The following ADGRE3 variants were observed in gnomAD, a reference collection of about 807,000 sequenced individuals.
ADGRE3 encodes adhesion G protein-coupled receptor E3.
In ADGRE3, 88 loss-of-function variants were observed where a neutral mutation model predicts 80.1. That is an observed-to-expected ratio of 1.10 (90% CI 0.93 to 1.31). The LOEUF (loss-of-function observed/expected upper bound fraction) is 1.31, where lower values mean the gene tolerates loss of function less well. Among genes scored for constraint, ADGRE3 ranks in the 40% most tolerant of loss-of-function variants. The pLI is 0.00. For synonymous variants in ADGRE3, 281 were observed against 294.8 expected, an observed-to-expected ratio of 0.95 and a Z score of 0.48; for missense variants, 715 against 776.5, an observed-to-expected ratio of 0.92 and a Z score of 0.94.
In ADGRE3 at chr19:14,647,307, A is replaced by G. The variant is rs780999744; in HGVS notation, c.756T>C (p.Thr252=). Residue 252 remains threonine, a synonymous_variant, in exon 8 of 16, where the codon ACT becomes ACC. Coordinates refer to ENST00000253673, the MANE Select transcript of ADGRE3 (RefSeq NM_032571.5). ...YSSLGNIINA[T]FFEEMDKKDQ... ...CTTTCTTATCCATCTCTTCAAAAAA[A>G]GTTGCATTTATGATGTTTCCAAGAG... 204 of 1,613,302 alleles carry G rather than the reference A, an allele frequency of 1.3e-4. No individual in the cohort carries two copies. Among genetic ancestry groups the G allele is most frequent in the Non-Finnish European group, 1.7e-4 (199 of 1,179,338 alleles).
the ADGRE3 span, among the ~76,000 whole-genome samples, chr19:14,602,473 T>C: frequency 6.6e-6 from 1 of 152,032 alleles, no homozygotes; most frequent in Non-Finnish European, 1.5e-5. Context: ...TTAACATTTT[T>C]TGTAGAGATG....
chr19:14,638,476 G>A (rs982900519), intron 10 of ADGRE3, 136 bp from the exon 11 acceptor site: 2 of 632,926 alleles, frequency 3.2e-6, no homozygotes, highest in African/African-American at 3.7e-5. Flanking sequence ...GGAACTGGAT[G>A]CAGTGGCTCA....
In ADGRE3 at chr19:14,630,142, A is replaced by G; in HGVS notation, c.1709T>C (p.Leu570Pro). 1 of 1,613,824 alleles carries G rather than the reference A, an allele frequency of 6.2e-7. No homozygotes were observed. The highest frequency in any genetic ancestry group is 1.1e-5 in the South Asian group (1 of 91,046). The change falls in exon 14 of 16, where the codon CTA (leucine) becomes CCA (proline). Residue 570 changes from leucine (L) to proline (P), a missense_variant. Coordinates refer to ENST00000253673, the MANE Select transcript of ADGRE3 (RefSeq NM_032571.5). ...GACCTGGGCAGCTGGACCCACCTGT[A>G]GCAAGCCCAGACACCATGTGCAGCC... ...ILGCTWCLGL[L>P]QVGPAAQVMA...
intron 14 of ADGRE3, among the ~76,000 whole-genome samples, chr19:14,627,308 T>C (rs1190627031): frequency 6.6e-6 from 1 of 152,150 alleles, no homozygotes; most frequent in Non-Finnish European, 1.5e-5. Context: ...TATAAATAAA[T>C]ACATAACAAT....
chr19:14,673,429 C>T (rs531163554), intron 1 of ADGRE3, among the ~76,000 whole-genome samples: 59 of 152,252 alleles, frequency 3.9e-4, no homozygotes, highest in Non-Finnish European at 6.8e-4. Flanking sequence ...GGATTTCATC[C>T]GTACAGAGAT....
At chr19:14,636,130 CTTTCTTTCTTT>C (rs1971065089) in intron 11 of ADGRE3, among the ~76,000 whole-genome samples, 2 of 78,416 alleles carry the variant, frequency 2.6e-5, no homozygotes, top group Non-Finnish European at 5.3e-5. Flanking sequence ...TTCTTTCTTT[CTTTCTTTCTTT>C]CTTTCTTTCT....
At chr19:14,620,376 A>C (rs1460198137) in intron 15 of ADGRE3, among the ~76,000 whole-genome samples, 1 of 149,864 alleles carries the variant, frequency 6.7e-6, no homozygotes, top group Non-Finnish European at 1.5e-5. Flanking sequence ...TCTTAAAGAG[A>C]GATTCATATA....
chr19:14,604,278 C>T, the ADGRE3 span, among the ~76,000 whole-genome samples: 3 of 152,220 alleles, frequency 2.0e-5, no homozygotes, highest in Non-Finnish European at 2.9e-5. Flanking sequence ...AAAAGCTCAC[C>T]GGAAATGAGA....
In ADGRE3 at chr19:14,630,208, C is replaced by T; in HGVS notation, c.1644-1G>A. ...AGCTGTTGCTTTGAAAGCCAGCATC[C>T]TGGGAGGAGGAAGTCAGAGATTAGG... On this transcript the variant is annotated splice_acceptor_variant, in intron 13 of 15. Coordinates refer to ENST00000253673, the MANE Select transcript of ADGRE3 (RefSeq NM_032571.5). LOFTEE classifies it high-confidence loss of function. The T allele has an allele frequency of 6.3e-7, 1 of 1,597,342 alleles. No individual in the cohort carries two copies. Among genetic ancestry groups the T allele is most frequent in the Non-Finnish European group, 8.5e-7 (1 of 1,170,922 alleles).
Position 14,661,999 on chromosome 19 carries a change from C to T in ADGRE3, c.319G>A (p.Glu107Lys). 6.2e-7 allele frequency: 1 copy of T among 1,614,164 alleles called. No individual in the cohort carries two copies. The highest frequency in any genetic ancestry group is 8.5e-7 in the Non-Finnish European group (1 of 1,179,998). ...VPGYRLHSGN[E>K]QFSNSNENTC... ...TTCTCATTGGAATTACTGAATTGTT[C>T]ATTCCCAGAATGCAGTCTATATCCT... Residue 107 changes from glutamate to lysine, a missense_variant, in exon 4 of 16, where the codon GAA (glutamate) becomes AAA (lysine). By Grantham distance (56) the Glu-to-Lys change is moderately conservative. Transcript: ENST00000253673.
At chr19:14,665,943 T>TATGCATAC (rs1338799775) in intron 2 of ADGRE3, among the ~76,000 whole-genome samples, 1,395 of 97,338 alleles carry the variant, frequency 0.014, 240 homozygotes, top group African/African-American at 0.045. Flanking sequence ...TGTGTATATA[T>TATGCATAC]ATATATATAT....
At chr19:14,618,859 A>AAAAAAAC (rs991970091), downstream of ADGRE3, among the ~76,000 whole-genome samples, 1 of 150,452 alleles carries the variant, frequency 6.6e-6, no homozygotes, top group African/African-American at 2.4e-5. Flanking sequence ...AAAAAAAAAA[A>AAAAAAAC]AAAAAAAAAA....
chr19:14,657,836 TCA>T (rs1459137299), intron 5 of ADGRE3, among the ~76,000 whole-genome samples: 1 of 152,012 alleles, frequency 6.6e-6, no homozygotes, highest in Non-Finnish European at 1.5e-5. Context: ...ACATCTCCAC[TCA>T]CCGCAACCTC....
the ADGRE3 span, among the ~76,000 whole-genome samples, chr19:14,602,902 A>G: frequency 2.0e-5 from 3 of 151,950 alleles, no homozygotes; most frequent in East Asian, 5.9e-4. Flanking sequence ...TGCCTGGCTA[A>G]TTTTGTACTT....
intron 8 of ADGRE3, among the ~76,000 whole-genome samples, chr19:14,645,174 A>G (rs1971363596): frequency 6.6e-6 from 1 of 151,534 alleles, no homozygotes; most frequent in South Asian, 2.1e-4. Flanking sequence ...CATGGGAGGA[A>G]AAAAACAAAA....
chr19:14,629,139 G>C (rs201016810), intron 14 of ADGRE3, among the ~76,000 whole-genome samples: 1 of 152,226 alleles, frequency 6.6e-6, no homozygotes, highest in East Asian at 1.9e-4. Flanking sequence ...CGTCAGGCTG[G>C]TCTCAAACTC....
At chr19:14,607,290 C>T in the ADGRE3 span, among the ~76,000 whole-genome samples, 103 of 150,560 alleles carry the variant, frequency 6.8e-4, no homozygotes, top group Middle Eastern at 0.01. Flanking sequence ...CTGCAAGCTC[C>T]GCCTCCCAGG....
chr19:14,631,615 T>C (rs1449147511), intron 13 of ADGRE3, among the ~76,000 whole-genome samples: 1 of 151,720 alleles, frequency 6.6e-6, no homozygotes, highest in African/African-American at 2.4e-5. Context: ...ATGTATAGAA[T>C]ATATTATATG....
At chr19:14,654,421 C>T (rs138579232) in intron 6 of ADGRE3, among the ~76,000 whole-genome samples, 1 of 151,982 alleles carries the variant, frequency 6.6e-6, no homozygotes, top group Non-Finnish European at 1.5e-5. Context: ...AGCCACTGCA[C>T]CTGGCAAATT....
Sources: gnomAD v4.1 joint callset for allele counts (sites outside exome capture counted in the v4.1 genomes callset) on GRCh38, gnomAD v4.1.1 for gene constraint, MANE v1.5 for transcripts, NCBI Gene and HGNC (gene_info 2026-07-23, HGNC 2026-07-21) for gene names.